DGKB: variants seen among roughly 807,000 people sequenced by gnomAD.
The protein encoded by DGKB is diacylglycerol kinase beta, also known as 90 kDa diacylglycerol kinase.
A neutral mutation model predicts 114.3 loss-of-function variants in DGKB; 67 were observed. The observed-to-expected ratio is 0.59, with a 90% confidence interval of 0.48 to 0.72. DGKB has a LOEUF of 0.72. Ranked by LOEUF, DGKB falls within the 30% of genes least tolerant of loss-of-function variation. DGKB has a pLI of 0.00. For missense variants in DGKB, 907 were observed against 975.2 expected, an observed-to-expected ratio of 0.93 and a Z score of 0.93; for synonymous variants, 398 against 323.1, an observed-to-expected ratio of 1.23 and a Z score of -2.49.
At chr7:14,961,841 A>C (rs951340459) in intron 1 of DGKB, among the ~76,000 whole-genome samples, 1 of 151,810 alleles carries the variant, frequency 6.6e-6, no homozygotes, top group African/African-American at 2.4e-5. Flanking sequence ...TCTCCAATAA[A>C]CTTTGCTAGC....
chr7:14,542,583 G>A (rs1466347031), intron 20 of DGKB, among the ~76,000 whole-genome samples: 1 of 152,074 alleles, frequency 6.6e-6, no homozygotes, highest in African/African-American at 2.4e-5. Flanking sequence ...CTGGTCACCT[G>A]AACCATCCTG....
rs117144829 is a variant in DGKB at position 14,507,290 on chromosome 7, G to T, written c.1771-29065C>A. On this transcript the variant is annotated intron_variant, in intron 20 of 25. Coordinates refer to ENST00000402815, the MANE Select transcript of DGKB (RefSeq NM_001350709.2). The stretch of plus-strand genomic sequence containing the variant: ...TTCAGAATCTAGTATCTTATTCACT[G>T]GGCATCATAAATTAAAATTAGTATT... Among the ~76,000 whole-genome samples, 795 of 152,074 alleles carry T rather than the reference G, an allele frequency of 5.2e-3. 5 individuals are homozygous for T. The highest frequency in any genetic ancestry group is 0.014 in the Middle Eastern group (4 of 294).
intron 23 of DGKB, among the ~76,000 whole-genome samples, chr7:14,303,988 CTTTTA>C (rs1803997583): frequency 1.3e-5 from 2 of 150,006 alleles, no homozygotes; most frequent in South Asian, 2.1e-4. Flanking sequence ...GCACTTCTCT[CTTTTA>C]TTTAATTTTT....
chr7:14,718,462 T>C (rs1375920067), intron 6 of DGKB, 80 bp downstream of exon 6: 15 of 1,312,644 alleles, frequency 1.1e-5, no homozygotes, highest in African/African-American at 1.5e-5. Flanking sequence ...ACTATACTAA[T>C]GCAATTTTAA....
rs145003246 is a variant in DGKB at position 14,747,971 on chromosome 7, A to G, written c.168+5957T>C. Reference sequence around the variant, plus strand: ...GGCACATTTCTATATGCCTTTCATTATTATTTCTGACCATCTGGATCCTTT... The same window carrying G: ...GGCACATTTCTATATGCCTTTCATTGTTATTTCTGACCATCTGGATCCTTT... On this transcript the variant is annotated intron_variant, in intron 4 of 25. Coordinates refer to ENST00000402815, the MANE Select transcript of DGKB (RefSeq NM_001350709.2). 8.4e-4 allele frequency among the ~76,000 whole-genome samples: 128 copies of G among 152,304 alleles called. 2 individuals carry two copies. The Middle Eastern group carries it at 0.01, about 12-fold the overall frequency.
At chr7:14,918,609 G>T (rs1784354591) in intron 1 of DGKB, among the ~76,000 whole-genome samples, 1 of 151,972 alleles carries the variant, frequency 6.6e-6, no homozygotes, top group South Asian at 2.1e-4. Context: ...AAAAATCAAA[G>T]GAGAGCTAAA....
At chr7:14,630,355 T>C (rs1249448523) in intron 13 of DGKB, 87 bp from the exon 14 acceptor site, 3 of 895,020 alleles carry the variant, frequency 3.4e-6, no homozygotes, top group East Asian at 3.1e-5. Flanking sequence ...ATTACATGCC[T>C]GTGAAATAAA....
At chr7:14,336,545 T>A (rs1810707151) in intron 23 of DGKB, among the ~76,000 whole-genome samples, 1 of 152,156 alleles carries the variant, frequency 6.6e-6, no homozygotes, top group African/African-American at 2.4e-5. Context: ...GGCCTATATA[T>A]TCCCACTTCC....
chr7:14,964,304 A>C (rs1241131119), intron 1 of DGKB, among the ~76,000 whole-genome samples: 1 of 152,136 alleles, frequency 6.6e-6, no homozygotes, highest in African/African-American at 2.4e-5. Context: ...CAGGAGTTTG[A>C]GATCAGCCTG....
At chr7:14,789,293 A>G (rs1039739473) in intron 2 of DGKB, among the ~76,000 whole-genome samples, 2 of 152,136 alleles carry the variant, frequency 1.3e-5, no homozygotes, top group Non-Finnish European at 2.9e-5. Flanking sequence ...CCCTTTAGTA[A>G]TCATACACAA....
chr7:14,878,698 G>A (rs1025498043), intron 1 of DGKB, among the ~76,000 whole-genome samples: 4 of 145,260 alleles, frequency 2.8e-5, no homozygotes, highest in South Asian at 2.2e-4. Flanking sequence ...GCAGTGAGCC[G>A]AGATTGGGCC....
chr7:14,751,973 G>A (rs1834189102), intron 4 of DGKB, among the ~76,000 whole-genome samples: 1 of 152,128 alleles, frequency 6.6e-6, no homozygotes, highest in Non-Finnish European at 1.5e-5. Flanking sequence ...GCAAGACACA[G>A]AGCTATTTAT....
chr7:14,240,136 T>A (rs1050548347), intron 23 of DGKB, among the ~76,000 whole-genome samples: 1 of 151,962 alleles, frequency 6.6e-6, no homozygotes, highest in African/African-American at 2.4e-5. Context: ...ATATTACCAA[T>A]ATATATATGC....
chr7:14,915,961 C>T (rs571764110), intron 1 of DGKB, among the ~76,000 whole-genome samples: 43 of 152,080 alleles, frequency 2.8e-4, no homozygotes, highest in African/African-American at 1.0e-3. Flanking sequence ...CTTAATTAAT[C>T]TAATAGATAA....
chr7:14,949,445 G>A (rs1302583519), intron 1 of DGKB, among the ~76,000 whole-genome samples: 1 of 151,826 alleles, frequency 6.6e-6, no homozygotes, highest in African/African-American at 2.4e-5. Flanking sequence ...TAAACATAAT[G>A]CAGAAACATT....
At chr7:14,836,787 C>G (rs532326531) in intron 2 of DGKB, among the ~76,000 whole-genome samples, 1 of 152,350 alleles carries the variant, frequency 6.6e-6, no homozygotes, top group South Asian at 2.1e-4. Flanking sequence ...GGCTCCGTAT[C>G]AGCTGCCTTC....
rs1221232698 is a variant in DGKB at position 14,653,853 on chromosome 7, C to T, written c.1134+19076G>A. On this transcript the variant is annotated intron_variant, in intron 13 of 25. Transcript: ENST00000402815. The stretch of plus-strand genomic sequence containing the variant: ...CTAAAATTTCTTCATCATAAAGTCT[C>T]TCAAAAATTGGACATAGAATTAGAT... Among the ~76,000 whole-genome samples, 3 of 151,930 alleles carry T rather than the reference C, an allele frequency of 2.0e-5. No individual in the cohort carries two copies. The East Asian group carries it at 5.8e-4, about 29-fold the overall frequency.
chr7:14,931,513 A>G (rs939184011), intron 1 of DGKB, among the ~76,000 whole-genome samples: 2 of 152,014 alleles, frequency 1.3e-5, no homozygotes, highest in Admixed American at 1.3e-4. Context: ...TGGTATCTAG[A>G]TAGGGGGAGT....
intron 20 of DGKB, among the ~76,000 whole-genome samples, chr7:14,563,965 G>A (rs1378805825): frequency 1.3e-5 from 2 of 152,146 alleles, no homozygotes; most frequent in Non-Finnish European, 2.9e-5. Flanking sequence ...CACCATTTCT[G>A]TTCTCCTAAA....
Sources: allele counts gnomAD v4.1 joint callset (sites outside exome capture counted in the v4.1 genomes callset), GRCh38; gene constraint gnomAD v4.1.1; transcripts MANE v1.5; gene names NCBI Gene and HGNC (gene_info 2026-07-23, HGNC 2026-07-21).